The following CD244 variants were observed in gnomAD, a reference collection of about 807,000 sequenced individuals.
CD244 encodes the protein natural killer cell receptor 2B4.
Under a neutral mutation model 45.5 loss-of-function variants are expected in CD244, and 20 were observed. That is an observed-to-expected ratio of 0.44 (90% CI 0.31 to 0.64). The LOEUF (loss-of-function observed/expected upper bound fraction) is 0.64, where lower values mean the gene tolerates loss of function less well. CD244 is among the 30% of genes least tolerant of loss of function. CD244 has a pLI of 0.08. For synonymous variants in CD244, 185 were observed against 160.5 expected (o/e 1.15, Z -1.15); for missense variants, 407 against 426.9 (o/e 0.95, Z 0.41).
intron 1 of CD244, among the ~76,000 whole-genome samples, chr1:160,849,039 C>A (rs1669830333): frequency 6.6e-6 from 1 of 152,104 alleles, no homozygotes. Context: ...GACTGAGCCC[C>A]CAGCCTCTGT....
chr1:160,856,878 A>C (rs1670127619), intron 1 of CD244, among the ~76,000 whole-genome samples: 1 of 148,178 alleles, frequency 6.7e-6, no homozygotes, highest in Admixed American at 6.7e-5. Context: ...ACAGAGTGAA[A>C]AGGCAACCAA....
intron 5 of CD244, among the ~76,000 whole-genome samples, chr1:160,837,639 G>A (rs1207396987): frequency 2.0e-5 from 3 of 152,212 alleles, no homozygotes; most frequent in Non-Finnish European, 4.4e-5. Context: ...CCCACCACAT[G>A]TGCTTCCTGC....
At chr1:160,858,770 C>A (rs927983502) in intron 1 of CD244, among the ~76,000 whole-genome samples, 1 of 152,230 alleles carries the variant, frequency 6.6e-6, no homozygotes, top group African/African-American at 2.4e-5. Flanking sequence ...GGGCCCTGGA[C>A]TTACTTGCCA....
rs1571131128 is a variant in CD244 at position 160,862,813 on chromosome 1, C to T, written c.-136G>A. On this transcript the variant is annotated 5_prime_UTR_variant, in exon 1 of 9. Coordinates refer to ENST00000368034, the MANE Select transcript of CD244 (RefSeq NM_016382.4). Reference sequence around the variant, plus strand: ...TTGCAACCTGTCCAGCCACAGTTTCCTCAATTAGAGGCTGTTAACGCCTGC... The same window carrying T: ...TTGCAACCTGTCCAGCCACAGTTTCTTCAATTAGAGGCTGTTAACGCCTGC... 1 of 670,192 alleles carries T rather than the reference C, an allele frequency of 1.5e-6. No individual in the cohort carries two copies. The highest frequency in any genetic ancestry group is 2.5e-6 in the Non-Finnish European group (1 of 398,742). The allele number at this position is 670,192 out of a possible 1,614,324, so 41.5% of individuals were successfully genotyped here. A position where few individuals can be genotyped will look rare whatever the true frequency, so the allele number is the denominator to read the frequency against.
chr1:160,839,000 C>T lies in CD244; in HGVS notation c.705G>A (p.Leu235=), dbSNP rs1051585913. 4 of 1,614,030 alleles carry T rather than the reference C, an allele frequency of 2.5e-6. No homozygotes were observed. The African/African-American group carries it at 4.0e-5, about 16-fold the overall frequency. ...AGAAGCAGGCAAGGGTGCCAAGGAA[C>T]AGTGCGCTTAGAATCACGATGATCA... ...FLVIIVILSA[L]FLGTLACFCV... Residue 235 remains leucine, a synonymous_variant, in exon 4 of 9, where the codon CTG becomes CTA. Transcript: ENST00000368034.
intron 8 of CD244, 95 bp from the exon 9 acceptor site, chr1:160,831,522 T>G (rs1337318832): frequency 1.1e-6 from 1 of 899,204 alleles, no homozygotes; most frequent in Non-Finnish European, 1.8e-6. Flanking sequence ...TTTACAGATT[T>G]AAAAAATGAA....
chr1:160,846,210 C>T (rs1433333756), intron 1 of CD244, among the ~76,000 whole-genome samples: 2 of 152,202 alleles, frequency 1.3e-5, no homozygotes, highest in Non-Finnish European at 2.9e-5. Context: ...TCCCCTCCCA[C>T]TTTTCCTCCC....
At position 160,839,034 on chromosome 1, in the gene CD244, G is replaced by A. The variant is rs757888853; in HGVS notation, c.671C>T (p.Pro224Leu). 1.3e-5 allele frequency: 21 copies of A among 1,613,374 alleles called. No individual in the cohort carries two copies. Among genetic ancestry groups the A allele is most frequent in the Non-Finnish European group, 1.7e-5 (20 of 1,179,668 alleles). The change falls in exon 4 of 9, where the codon CCG becomes CTG. Residue 224 changes from proline to leucine, a missense_variant. Physicochemically the swap from Pro to Leu is moderately conservative, Grantham distance 98. Coordinates refer to ENST00000368034, the MANE Select transcript of CD244 (RefSeq NM_016382.4). ...TAGAATCACGATGATCACCAAAAAC[G>A]GCCAAAATCTGAATTCTGAGGAATA... is the stretch of plus-strand genomic sequence containing the variant. ...QNAHQEFRFW[P>L]FLVIIVILSA... is the part of the protein sequence containing the mutation.
At chr1:160,834,976 C>T (rs1442709879) in intron 6 of CD244, among the ~76,000 whole-genome samples, 2 of 152,216 alleles carry the variant, frequency 1.3e-5, no homozygotes, top group African/African-American at 4.8e-5. Flanking sequence ...ATAGAAATTC[C>T]TCTCATTGGA....
At chr1:160,853,750 C>A (rs1670000972) in intron 1 of CD244, among the ~76,000 whole-genome samples, 1 of 141,654 alleles carries the variant, frequency 7.1e-6, no homozygotes, top group Admixed American at 7.6e-5. Flanking sequence ...CACCACTGCA[C>A]CCCAGCCTGG....
At chr1:160,854,714 T>A (rs1204496507) in intron 1 of CD244, among the ~76,000 whole-genome samples, 2 of 152,198 alleles carry the variant, frequency 1.3e-5, no homozygotes, top group Non-Finnish European at 2.9e-5. Flanking sequence ...AAGAATGAAA[T>A]GTGTGATCTA....
At chr1:160,831,467 G>T in intron 8 of CD244, 40 bp from the exon 9 acceptor site, 1 of 1,393,890 alleles carries the variant, frequency 7.2e-7, no homozygotes, top group Non-Finnish European at 1.0e-6. Flanking sequence ...CTTGCACTGG[G>T]AGGTCCTTAT....
At chr1:160,848,000 C>A in intron 1 of CD244, 1 of 260,532 alleles carries the variant, frequency 3.8e-6, no homozygotes, top group Non-Finnish European at 7.5e-6. Flanking sequence ...GAGTCTCTTG[C>A]TATCAACCGT....
intron 1 of CD244, among the ~76,000 whole-genome samples, chr1:160,860,984 G>A (rs1670280527): frequency 1.3e-5 from 2 of 152,228 alleles, no homozygotes; most frequent in African/African-American, 2.4e-5. Context: ...GCCAAGCCCA[G>A]CTATGGTGCT....
chr1:160,856,673 G>T (rs766261760), intron 1 of CD244, among the ~76,000 whole-genome samples: 1 of 152,144 alleles, frequency 6.6e-6, no homozygotes, highest in Non-Finnish European at 1.5e-5. Flanking sequence ...CTGTCTGAAA[G>T]ATTCTTAAGG....
chr1:160,840,647 T>G (rs1054464134), intron 3 of CD244, among the ~76,000 whole-genome samples: 9 of 150,044 alleles, frequency 6.0e-5, no homozygotes, highest in Non-Finnish European at 1.3e-4. Flanking sequence ...AGCTGTATGG[T>G]TTTTTTTTCC....
At chr1:160,856,342 C>A (rs933851280) in intron 1 of CD244, among the ~76,000 whole-genome samples, 7 of 152,214 alleles carry the variant, frequency 4.6e-5, no homozygotes, top group African/African-American at 1.4e-4. Flanking sequence ...AAGTCCCACT[C>A]TTTGCATCAG....
intron 1 of CD244, among the ~76,000 whole-genome samples, chr1:160,853,781 C>T (rs964063964): frequency 7.4e-4 from 24 of 32,568 alleles, no homozygotes; most frequent in African/African-American, 2.8e-3. Flanking sequence ...AAGACCCTGC[C>T]TAAAAAAAAA....
intron 1 of CD244, among the ~76,000 whole-genome samples, chr1:160,843,303 G>A (rs1669613016): frequency 6.6e-6 from 1 of 152,200 alleles, no homozygotes. Context: ...AGCAGAGACT[G>A]TGCTGTGCAT....
Sources: gnomAD v4.1 joint callset for allele counts (sites outside exome capture counted in the v4.1 genomes callset) on GRCh38, gnomAD v4.1.1 for gene constraint, MANE v1.5 for transcripts, NCBI Gene and HGNC (gene_info 2026-07-23, HGNC 2026-07-21) for gene names.